The following ZBTB16 variants were observed in gnomAD, a reference collection of about 807,000 sequenced individuals.
ZBTB16 encodes zinc finger and BTB domain-containing protein 16.
A neutral mutation model predicts 56.8 loss-of-function variants in ZBTB16; 8 were observed. The observed-to-expected ratio is 0.14, with a 90% CI of 0.08 to 0.25. ZBTB16 has a LOEUF of 0.25. Ranked by LOEUF, ZBTB16 falls within the 10% of genes least tolerant of loss-of-function variation. The probability of loss-of-function intolerance (pLI) is 1.00; values close to 1 mark genes in which losing one functional copy is unlikely to be tolerated. For synonymous variants in ZBTB16, 363 were observed against 368.5 expected (o/e 0.98, Z 0.17); for missense variants, 625 against 903.0 (o/e 0.69, Z 3.95).
chr11:114,119,343 T>C (rs1418540272), intron 2 of ZBTB16, among the ~76,000 whole-genome samples: 1 of 147,062 alleles, frequency 6.8e-6, no homozygotes, highest in Non-Finnish European at 1.5e-5. Flanking sequence ...TGTGTGTGTG[T>C]GTGCGCGCGT....
chr11:114,187,433 C>A, intron 4 of ZBTB16: 1 of 269,814 alleles, frequency 3.7e-6, no homozygotes, highest in Non-Finnish European at 7.3e-6. Flanking sequence ...CGTGTGGCCA[C>A]AGTTGGCTGG....
rs200225387 is a variant in ZBTB16, at chr11:114,064,113, G to A, written c.813G>A (p.Lys271=). The change falls in exon 2 of 7, where the codon AAG becomes AAA. Residue 271 remains lysine (K), a synonymous_variant. Transcript: ENST00000335953. This position sits in a 1 kb window ranked among gnomAD's most constrained non-coding sequence, Gnocchi z 4.2. ...GCATCTCAGGAGGGATGGGGGACAA[G>A]GTTGAGGAAAGAGGCAAAGAGGGGC... ...ESSISGGMGD[K]VEERGKEGPG... The A allele has an allele frequency of 2.5e-5, 40 of 1,613,970 alleles. No individual in the cohort carries two copies. In the Admixed American group the frequency reaches 3.8e-4, roughly 15 times the overall value.
chr11:114,255,405 A>T lies in ZBTB16; in HGVS notation c.*4850A>T, dbSNP rs1227380148. Among the ~76,000 whole-genome samples the T allele has an allele frequency of 2.2e-5, 3 of 135,144 alleles. No individual in the cohort carries two copies. The highest frequency in any genetic ancestry group is 5.0e-5 in the Non-Finnish European group (3 of 60,500). 88.7% of individuals were successfully genotyped at this position (135,144 alleles called of 152,430 possible). On this transcript the variant is annotated 3_prime_UTR_variant, in exon 7 of 7. Transcript: ENST00000335953. The stretch of plus-strand genomic sequence containing the variant: ...TTTTACTGGTTACTTTTTTGTACAA[A>T]TCAATCTCTTTCTCTCTTTCTCTCC...
At chr11:114,213,035 C>T (rs1944026482) in intron 4 of ZBTB16, among the ~76,000 whole-genome samples, 1 of 151,856 alleles carries the variant, frequency 6.6e-6, no homozygotes, top group African/African-American at 2.4e-5. Context: ...GGAAGCTTGT[C>T]TGTCTGTTCC....
intron 2 of ZBTB16, among the ~76,000 whole-genome samples, chr11:114,136,140 A>G (rs1344359246): frequency 1.3e-5 from 2 of 152,170 alleles, no homozygotes; most frequent in African/African-American, 4.8e-5. Context: ...GTCCTTCTCA[A>G]CCTTCCTTTG....
chr11:114,224,906 C>G (rs1015840769), intron 4 of ZBTB16, among the ~76,000 whole-genome samples: 22 of 152,128 alleles, frequency 1.4e-4, no homozygotes, highest in Non-Finnish European at 2.4e-4. Flanking sequence ...CAAAGGCAAA[C>G]AGTTTTGGTG....
chr11:114,242,538 G>A (rs1944731154), intron 5 of ZBTB16, among the ~76,000 whole-genome samples: 1 of 152,192 alleles, frequency 6.6e-6, no homozygotes, highest in Non-Finnish European at 1.5e-5. Flanking sequence ...TCGGTTCAAA[G>A]TCTTTCCGTG....
chr11:114,233,071 G>GCGCA (rs150594023), intron 4 of ZBTB16, among the ~76,000 whole-genome samples: 715 of 57,874 alleles, frequency 0.012, 19 homozygotes, highest in Non-Finnish European at 0.015. Flanking sequence ...ACGCATGCGC[G>GCGCA]CGCGCGCGCG....
chr11:114,172,870 TG>T (rs1943006716), intron 3 of ZBTB16, among the ~76,000 whole-genome samples: 1 of 152,224 alleles, frequency 6.6e-6, no homozygotes, highest in African/African-American at 2.4e-5. Flanking sequence ...TGTTTTGGTT[TG>T]TTTTTTTCCG....
rs774317124 is a variant in ZBTB16, at chr11:114,242,298, A to G, written c.1585A>G (p.Ser529Gly). The G allele has an allele frequency of 6.2e-7, 1 of 1,614,058 alleles. No homozygotes were observed. Among genetic ancestry groups the G allele is most frequent in the Admixed American group, 1.7e-5 (1 of 60,028 alleles). ...CAGTGAGTGCAACCGCACCTTCCCC[A>G]GCCACACGGCTCTCAAACGCCACCT... ...ICSECNRTFP[S>G]HTALKRHLRS... Residue 529 changes from serine to glycine, a missense_variant, in exon 5 of 7, where the codon AGC becomes GGC. Ser to Gly is a moderately conservative substitution (Grantham distance 56, BLOSUM62 0). Coordinates refer to ENST00000335953, the MANE Select transcript of ZBTB16 (RefSeq NM_006006.6).
At chr11:114,176,651 T>A (rs189961021) in intron 3 of ZBTB16, among the ~76,000 whole-genome samples, 122 of 152,322 alleles carry the variant, frequency 8.0e-4, no homozygotes, top group African/African-American at 2.8e-3. Context: ...ACGTTTAACT[T>A]TCTTTGCCAT....
chr11:114,133,613 G>A (rs1164160689), intron 2 of ZBTB16, among the ~76,000 whole-genome samples: 2 of 152,148 alleles, frequency 1.3e-5, no homozygotes, highest in Non-Finnish European at 2.9e-5. Context: ...TCTTCCTGTG[G>A]TCCCTTTAGT....
At chr11:114,107,831 A>G (rs1005209181) in intron 2 of ZBTB16, among the ~76,000 whole-genome samples, 1 of 152,154 alleles carries the variant, frequency 6.6e-6, no homozygotes, top group South Asian at 2.1e-4. Context: ...TGTGCAGTCT[A>G]CATTTTTTGT....
chr11:114,144,355 G>A (rs899144271), intron 2 of ZBTB16, among the ~76,000 whole-genome samples: 4 of 152,168 alleles, frequency 2.6e-5, no homozygotes, highest in African/African-American at 9.7e-5. Context: ...GCCTTGACTG[G>A]CCATTGCTGG....
chr11:114,214,764 C>T (rs752918606), intron 4 of ZBTB16, among the ~76,000 whole-genome samples: 75 of 152,260 alleles, frequency 4.9e-4, no homozygotes, highest in Non-Finnish European at 4.9e-4. Flanking sequence ...CCACCACATC[C>T]GGCTAATTTT....
Position 114,063,459 on chromosome 11 carries a change from C to G in ZBTB16, c.159C>G (p.Ala53=). 1 of 1,614,214 alleles carries G rather than the reference C, an allele frequency of 6.2e-7. No individual in the cohort carries two copies. Among genetic ancestry groups the G allele is most frequent in the East Asian group, 2.2e-5 (1 of 44,880 alleles). The change falls in exon 2 of 7, where the codon GCC becomes GCG. Residue 53 remains alanine (A), a synonymous_variant. Transcript: ENST00000335953. This position sits in a 1 kb window ranked among gnomAD's most constrained non-coding sequence, Gnocchi z 6.5. ...QEFHAHRTVL[A]CTSKMFEILF... ...TCCACGCCCACCGGACGGTGCTGGC[C>G]TGCACCAGCAAGATGTTTGAGATCC... is the stretch of plus-strand genomic sequence containing the variant.
At chr11:114,150,030 A>T (rs1763160265) in intron 2 of ZBTB16, among the ~76,000 whole-genome samples, 1 of 152,202 alleles carries the variant, frequency 6.6e-6, no homozygotes, top group Non-Finnish European at 1.5e-5. Context: ...TCTTGCCCCC[A>T]CAGAGTGTAT....
intron 4 of ZBTB16, among the ~76,000 whole-genome samples, chr11:114,213,753 A>C (rs959862525): frequency 2.6e-5 from 4 of 152,234 alleles, no homozygotes; most frequent in Admixed American, 2.0e-4. Flanking sequence ...CATCTCTTTG[A>C]ATCCACATAA....
At chr11:114,109,950 G>A (rs1591674902) in intron 2 of ZBTB16, among the ~76,000 whole-genome samples, 1 of 152,156 alleles carries the variant, frequency 6.6e-6, no homozygotes, top group Non-Finnish European at 1.5e-5. Context: ...TAGAGCAGAC[G>A]GGGGCCACAG....
Sources: gnomAD v4.1 joint callset for allele counts (sites outside exome capture counted in the v4.1 genomes callset) on GRCh38, gnomAD v4.1.1 for gene constraint, Gnocchi (gnomAD v3.1) non-coding constraint, MANE v1.5 for transcripts, NCBI Gene and HGNC (gene_info 2026-07-23, HGNC 2026-07-21) for gene names.